FAM110B: variants seen among roughly 807,000 people sequenced by gnomAD.
The protein encoded by FAM110B is protein FAM110B.
Under a neutral mutation model 20.4 loss-of-function variants are expected in FAM110B, and 6 were observed. That is an observed-to-expected ratio of 0.29 (90% CI 0.16 to 0.58). The LOEUF (loss-of-function observed/expected upper bound fraction) is 0.58. Ranked by LOEUF, FAM110B falls within the 20% of genes least tolerant of loss-of-function variation. The probability of loss-of-function intolerance (pLI) is 0.90; values close to 1 mark genes in which losing one functional copy is unlikely to be tolerated. For missense variants in FAM110B, 434 were observed against 498.2 expected (o/e 0.87, Z 1.23); for synonymous variants, 226 against 214.1 (o/e 1.06, Z -0.49).
chr8:58,019,949 C>T (rs1483156004), intron 1 of FAM110B, among the ~76,000 whole-genome samples: 3 of 151,902 alleles, frequency 2.0e-5, no homozygotes, highest in Non-Finnish European at 4.4e-5. Context: ...CTCCTCTCCT[C>T]TAATTGCCCG....
At chr8:58,023,839 T>C (rs960846034) in intron 1 of FAM110B, among the ~76,000 whole-genome samples, 22 of 152,220 alleles carry the variant, frequency 1.4e-4, no homozygotes, top group African/African-American at 5.1e-4. Flanking sequence ...CATGTATTTG[T>C]ATACTAAGCC....
intron 3 of FAM110B, among the ~76,000 whole-genome samples, chr8:58,097,196 G>GGTCTT (rs1479061172): frequency 6.6e-6 from 1 of 151,924 alleles, no homozygotes; most frequent in Non-Finnish European, 1.5e-5. Context: ...ACATAGACTT[G>GGTCTT]GTCTTTTCAC....
chr8:58,022,238 C>T (rs566142035), intron 1 of FAM110B, among the ~76,000 whole-genome samples: 3 of 152,160 alleles, frequency 2.0e-5, no homozygotes, highest in Admixed American at 6.5e-5. Flanking sequence ...ACACCATGGA[C>T]GAACCATGTG....
At chr8:58,077,338 C>G (rs1806062883) in intron 3 of FAM110B, 1 of 152,344 alleles carries the variant, frequency 6.6e-6, no homozygotes, top group Admixed American at 6.5e-5. Flanking sequence ...ACTTGCAGTG[C>G]TAGAACTGGG....
chr8:58,032,532 C>T (rs186789111), intron 2 of FAM110B: 6 of 152,276 alleles, frequency 3.9e-5, no homozygotes, highest in Admixed American at 2.0e-4. Context: ...GTATTAAATG[C>T]CTTAACCCTA....
chr8:58,113,637 G>A (rs956292036), intron 3 of FAM110B: 8 of 155,422 alleles, frequency 5.1e-5, no homozygotes, highest in Non-Finnish European at 1.1e-4. Context: ...GCCACTACCA[G>A]TTCAGTGATA....
chr8:57,995,908 G>A (rs1804176596), intron 1 of FAM110B, among the ~76,000 whole-genome samples: 1 of 152,222 alleles, frequency 6.6e-6, no homozygotes, highest in Admixed American at 6.5e-5. Flanking sequence ...TCTCAAAAGG[G>A]AATATGATAG....
At position 58,145,132 on chromosome 8, in the gene FAM110B, A is replaced by T. The variant is rs764689069; in HGVS notation, c.-324-775A>T. On this transcript the variant is annotated intron_variant, in intron 3 of 3. Transcript: ENST00000519262. ...CATTAAGTATGAAAAATTATGGATA[A>T]CTTAGGGACAATCAAATTATCTACT... is the stretch of plus-strand genomic sequence containing the variant. 3.3e-5 allele frequency among the ~76,000 whole-genome samples: 5 copies of T among 152,182 alleles called. No individual in the cohort carries two copies. In the South Asian group the frequency reaches 6.2e-4, roughly 19 times the overall value.
chr8:58,002,895 AGC>A (rs1250678769), intron 1 of FAM110B, among the ~76,000 whole-genome samples: 1 of 152,186 alleles, frequency 6.6e-6, no homozygotes, highest in Non-Finnish European at 1.5e-5. Context: ...ATGTTTGGGT[AGC>A]TGTGGCAGTT....
intron 1 of FAM110B, among the ~76,000 whole-genome samples, chr8:58,023,940 G>T (rs543254414): frequency 6.6e-6 from 1 of 152,256 alleles, no homozygotes; most frequent in East Asian, 1.9e-4. Context: ...GCCACCAGGT[G>T]TATTTATCTT....
chr8:58,126,369 G>GT (rs758293480), intron 3 of FAM110B, among the ~76,000 whole-genome samples: 8 of 152,180 alleles, frequency 5.3e-5, no homozygotes, highest in Non-Finnish European at 8.8e-5. Context: ...ACTGTGTATA[G>GT]TTTTTGTGTG....
chr8:58,023,903 C>G (rs898619913), intron 1 of FAM110B, among the ~76,000 whole-genome samples: 5 of 152,164 alleles, frequency 3.3e-5, no homozygotes, highest in Admixed American at 1.3e-4. Flanking sequence ...AGCTGTGTAG[C>G]ACTCTTTTTA....
At chr8:58,033,113 T>C (rs936903799) in intron 2 of FAM110B, among the ~76,000 whole-genome samples, 2 of 152,180 alleles carry the variant, frequency 1.3e-5, no homozygotes, top group Non-Finnish European at 2.9e-5. Context: ...TTTATATCCA[T>C]GTGTACTCAA....
intron 2 of FAM110B, among the ~76,000 whole-genome samples, chr8:58,035,389 A>G (rs1156326812): frequency 6.6e-6 from 1 of 152,266 alleles, no homozygotes; most frequent in Non-Finnish European, 1.5e-5. Context: ...TTTGAACTAA[A>G]GACACATTTG....
At chr8:58,104,551 G>A (rs1181112992) in intron 3 of FAM110B, among the ~76,000 whole-genome samples, 1 of 152,126 alleles carries the variant, frequency 6.6e-6, no homozygotes, top group Non-Finnish European at 1.5e-5. Context: ...GTAGTAACAT[G>A]CTTGCAGCCA....
intron 1 of FAM110B, among the ~76,000 whole-genome samples, chr8:58,024,442 G>C (rs189280589): frequency 1.7e-3 from 254 of 152,250 alleles, no homozygotes; most frequent in African/African-American, 5.6e-3. Flanking sequence ...AAGGGAGATA[G>C]AAAGAACTTT....
At chr8:58,002,327 A>C (rs1205609380) in intron 1 of FAM110B, among the ~76,000 whole-genome samples, 2 of 152,218 alleles carry the variant, frequency 1.3e-5, no homozygotes, top group African/African-American at 4.8e-5. Flanking sequence ...ATTTTTGTAA[A>C]AGTATACTTC....
At chr8:58,032,170 T>C (rs1049586069) in intron 2 of FAM110B, 1 of 152,252 alleles carries the variant, frequency 6.6e-6, no homozygotes, top group Non-Finnish European at 1.5e-5. Context: ...GGGTGTTCAC[T>C]TGCAGTGGCT....
intron 3 of FAM110B, among the ~76,000 whole-genome samples, chr8:58,097,874 G>T (rs1340364787): frequency 6.6e-6 from 1 of 152,204 alleles, no homozygotes; most frequent in Non-Finnish European, 1.5e-5. Flanking sequence ...GTTTGCATGG[G>T]TATCACCAGC....
Sources: allele counts gnomAD v4.1 joint callset (sites outside exome capture counted in the v4.1 genomes callset), GRCh38; gene constraint gnomAD v4.1.1; transcripts MANE v1.5; gene names NCBI Gene and HGNC (gene_info 2026-07-23, HGNC 2026-07-21).